Variants in SLC7A14 observed in about 807,000 individuals in gnomAD.
SLC7A14 encodes the protein solute carrier family 7 member 14, also known as gamma-aminobutyric acid transporter SLC7A14.
Under a neutral mutation model 60.2 loss-of-function variants are expected in SLC7A14, and 37 were observed. That is an observed-to-expected ratio of 0.61 (90% CI 0.47 to 0.81). SLC7A14 has a LOEUF of 0.81. Ranked by LOEUF, SLC7A14 falls within the 30% of genes least tolerant of loss-of-function variation. The pLI, the probability that SLC7A14 is intolerant of heterozygous loss-of-function variation, is 0.00. For synonymous variants in SLC7A14, 399 were observed against 395.8 expected (o/e 1.01, Z -0.10); for missense variants, 886 against 982.7 (o/e 0.90, Z 1.32).
chr3:170,578,095 G>A (rs1425039870), intron 1 of SLC7A14, among the ~76,000 whole-genome samples: 1 of 152,210 alleles, frequency 6.6e-6, no homozygotes, highest in Non-Finnish European at 1.5e-5. Context: ...GAACAGTAAA[G>A]ATGTGGTGGG....
In SLC7A14 at chr3:170,481,006, C is replaced by G. The variant is rs765532541; in HGVS notation, c.1276G>C (p.Val426Leu). ...TCAGGTTGGTATCGAAGGAGCAAGA[C>G]ACAGACAGAGACCAAGGTGTAGGCC... ...LLAYTLVSVC[V>L]LLLRYQPESD... Residue 426 changes from valine (V) to leucine (L), a missense_variant, in exon 7 of 8, where the codon GTC becomes CTC. Transcript: ENST00000231706. 6.2e-7 allele frequency: 1 copy of G among 1,614,110 alleles called. No homozygotes were observed. Among genetic ancestry groups the G allele is most frequent in the Middle Eastern group, 1.6e-4 (1 of 6,062 alleles).
intron 3 of SLC7A14, 46 bp downstream of exon 3, chr3:170,501,063 C>CTTGT: frequency 1.3e-6 from 2 of 1,589,346 alleles, no homozygotes; most frequent in Non-Finnish European, 1.7e-6. Flanking sequence ...ATTTATGTGG[C>CTTGT]TTGGTAAGTT....
intron 2 of SLC7A14, among the ~76,000 whole-genome samples, chr3:170,510,698 C>T (rs1031379040): frequency 2.0e-5 from 3 of 152,206 alleles, no homozygotes; most frequent in African/African-American, 7.2e-5. Context: ...GTGCCCCAAG[C>T]CAATCTTCTG....
At chr3:170,522,749 A>G (rs1056784828) in intron 2 of SLC7A14, among the ~76,000 whole-genome samples, 1 of 152,190 alleles carries the variant, frequency 6.6e-6, no homozygotes, top group African/African-American at 2.4e-5. Flanking sequence ...TGTTTACTAA[A>G]GCTCATAGAA....
At chr3:170,538,756 G>C (rs963844135) in intron 1 of SLC7A14, among the ~76,000 whole-genome samples, 1 of 152,232 alleles carries the variant, frequency 6.6e-6, no homozygotes, top group Admixed American at 6.5e-5. Context: ...TCTCAGGCTG[G>C]CCTGCAAGAT....
chr3:170,495,797 G>A (rs1034598093), intron 4 of SLC7A14: 2 of 1,139,814 alleles, frequency 1.8e-6, no homozygotes, highest in Admixed American at 1.7e-5. Flanking sequence ...ACAAGATGCT[G>A]GAGACCAAGT....
At chr3:170,572,075 A>G (rs1391339882) in intron 1 of SLC7A14, among the ~76,000 whole-genome samples, 1 of 151,276 alleles carries the variant, frequency 6.6e-6, no homozygotes, top group African/African-American at 2.4e-5. Flanking sequence ...AAAAAAAAAA[A>G]AAAAAAGAAA....
In SLC7A14 at chr3:170,461,644, G is replaced by T. The variant is rs745659623; in HGVS notation, c.*5411C>A. ...GCTTTCTGGTTCCTGCGTGTGGTGG[G>T]GCCTGCGGTTTGGGATGCTGTTTCT... On this transcript the variant is annotated 3_prime_UTR_variant, in exon 8 of 8. Transcript: ENST00000231706. The T allele has an allele frequency of 2.0e-5, 3 of 152,188 alleles. No homozygotes were observed. The highest frequency in any genetic ancestry group is 4.4e-5 in the Non-Finnish European group (3 of 68,064). The allele number at this position is 152,188 out of a possible 1,614,324, so 9.4% of individuals were successfully genotyped here.
intron 2 of SLC7A14, among the ~76,000 whole-genome samples, chr3:170,515,041 G>A (rs977092955): frequency 6.6e-6 from 1 of 152,062 alleles, no homozygotes; most frequent in African/African-American, 2.4e-5. Context: ...GGCTAAGCAC[G>A]GTGGCTCATG....
intron 4 of SLC7A14, among the ~76,000 whole-genome samples, chr3:170,496,960 G>C (rs1271130932): frequency 1.3e-5 from 2 of 152,052 alleles, no homozygotes; most frequent in East Asian, 3.9e-4. Context: ...GCTGTGCAGG[G>C]GAGCACAGGG....
intron 1 of SLC7A14, among the ~76,000 whole-genome samples, chr3:170,584,053 C>G (rs1235275105): frequency 6.6e-6 from 1 of 152,186 alleles, no homozygotes; most frequent in Non-Finnish European, 1.5e-5. Context: ...TCTCTGGAAT[C>G]AAGTTTCTGT....
At chr3:170,497,424 G>T (rs1181543540) in intron 4 of SLC7A14, among the ~76,000 whole-genome samples, 1 of 147,112 alleles carries the variant, frequency 6.8e-6, no homozygotes, top group East Asian at 1.9e-4. Flanking sequence ...GCATTGAACG[G>T]CATGGCGTGG....
At chr3:170,484,214 G>C (rs909692559) in intron 5 of SLC7A14, among the ~76,000 whole-genome samples, 4 of 152,196 alleles carry the variant, frequency 2.6e-5, no homozygotes, top group African/African-American at 9.7e-5. Flanking sequence ...ATCATTTACT[G>C]TGTGTGCTAT....
At chr3:170,501,910 G>A (rs1299124841) in intron 2 of SLC7A14, among the ~76,000 whole-genome samples, 3 of 152,216 alleles carry the variant, frequency 2.0e-5, no homozygotes, top group Non-Finnish European at 4.4e-5. Flanking sequence ...CACTTTTAGA[G>A]TCCTACCATG....
intron 1 of SLC7A14, among the ~76,000 whole-genome samples, chr3:170,529,655 T>A (rs1166228973): frequency 6.6e-6 from 1 of 152,056 alleles, no homozygotes; most frequent in Non-Finnish European, 1.5e-5. Context: ...ATGGGCTGAA[T>A]CATGGCCCCC....
Position 170,481,166 on chromosome 3 carries a change from C to T in SLC7A14, c.1116G>A (p.Arg372=). 1 of 1,611,626 alleles carries T rather than the reference C, an allele frequency of 6.2e-7. No homozygotes were observed. Among genetic ancestry groups the T allele is most frequent in the Non-Finnish European group, 8.5e-7 (1 of 1,178,840 alleles). ...TGTAGGAGCTGACGTGAGCCAGGAA[C>T]CTGGAGGGGCCGGGCAAGCAGAGGG... ...YAMAGDGLLF[R]FLAHVSSYTE... is the part of the protein sequence containing the mutation. Residue 372 remains arginine, a splice_region_variant and synonymous_variant, in exon 7 of 8, where the codon AGG becomes AGA. Transcript: ENST00000231706.
rs561997553 is a variant in SLC7A14 at position 170,478,855 on chromosome 3, G to A, written c.1993+1434C>T. 6.6e-5 allele frequency among the ~76,000 whole-genome samples: 10 copies of A among 152,258 alleles called. No individual in the cohort carries two copies. The East Asian group carries it at 1.7e-3, about 26-fold the overall frequency. ...AGAGTCTCTGTGGGCTGGGCACAGTGGCTCATGCCTGTAATCCCAGCACTT... is the reference window on the plus strand; with the variant it reads ...AGAGTCTCTGTGGGCTGGGCACAGTAGCTCATGCCTGTAATCCCAGCACTT... On this transcript the variant is annotated intron_variant, in intron 7 of 7. Coordinates refer to ENST00000231706, the MANE Select transcript of SLC7A14 (RefSeq NM_020949.3).
chr3:170,486,693 G>C (rs1354973162), intron 4 of SLC7A14, among the ~76,000 whole-genome samples: 1 of 152,070 alleles, frequency 6.6e-6, no homozygotes, highest in Non-Finnish European at 1.5e-5. Flanking sequence ...CCAACATGGT[G>C]AAACCCTGTC....
intron 1 of SLC7A14, among the ~76,000 whole-genome samples, chr3:170,538,176 A>G (rs1713907256): frequency 6.6e-6 from 1 of 152,172 alleles, no homozygotes; most frequent in Non-Finnish European, 1.5e-5. Flanking sequence ...CTCACTCTGG[A>G]TATGCTAAAT....
Sources: gnomAD v4.1 joint callset for allele counts (sites outside exome capture counted in the v4.1 genomes callset) on GRCh38, gnomAD v4.1.1 for gene constraint, MANE v1.5 for transcripts, NCBI Gene and HGNC (gene_info 2026-07-23, HGNC 2026-07-21) for gene names.